The following TECPR2 variants were observed in gnomAD, a reference collection of about 807,000 sequenced individuals.
TECPR2 encodes tectonin beta-propeller repeat containing 2, also known as tectonin beta-propeller repeat-containing protein 2.
Under a neutral mutation model 138.1 loss-of-function variants are expected in TECPR2, and 65 were observed. That is an observed-to-expected ratio of 0.47 (90% CI 0.39 to 0.58). The LOEUF is 0.58. Ranked by LOEUF, TECPR2 falls within the 20% of genes least tolerant of loss-of-function variation. The probability of loss-of-function intolerance (pLI) is 0.00; values close to 1 mark genes in which losing one functional copy is unlikely to be tolerated. For missense variants in TECPR2, 1,553 were observed against 1,824.5 expected (o/e 0.85, Z 2.71); for synonymous variants, 746 against 749.8 (o/e 0.99, Z 0.08).
intron 13 of TECPR2, 79 bp from the exon 14 acceptor site, chr14:102,449,550 T>A: frequency 3.2e-6 from 5 of 1,585,230 alleles, no homozygotes; most frequent in Non-Finnish European, 4.3e-6. Context: ...GGACCTGAGC[T>A]AGAACCTTCC....
chr14:102,403,813 A>G (rs1295147892), intron 2 of TECPR2, among the ~76,000 whole-genome samples: 1 of 152,238 alleles, frequency 6.6e-6, no homozygotes, highest in African/African-American at 2.4e-5. Context: ...GACTCATACA[A>G]TGAAACATGA....
At chr14:102,464,349 T>C (rs547676237) in intron 16 of TECPR2, among the ~76,000 whole-genome samples, 2 of 152,330 alleles carry the variant, frequency 1.3e-5, no homozygotes, top group African/African-American at 4.8e-5. Flanking sequence ...TCAATAGCAG[T>C]AAGAAATAAA....
chr14:102,425,994 C>T (rs1319610353), intron 6 of TECPR2, among the ~76,000 whole-genome samples: 2 of 151,194 alleles, frequency 1.3e-5, no homozygotes, highest in African/African-American at 2.4e-5. Context: ...AAGCGATTCT[C>T]CTGCCTCAGC....
Position 102,438,272 on chromosome 14 carries a change from G to C in TECPR2, c.2578+67G>C, listed in dbSNP as rs541674551. The C allele has an allele frequency of 4.0e-5, 61 of 1,534,332 alleles. No individual in the cohort carries two copies. In the African/African-American group the frequency reaches 7.8e-4, roughly 20 times the overall value. ...CGCCGCTCCTGCTCCCCGCCCCCGG[G>C]GTGCAGACATCTTAGTACAGGGCTC... On this transcript the variant is annotated intron_variant, in intron 10 of 19. Coordinates refer to ENST00000359520, the MANE Select transcript of TECPR2 (RefSeq NM_014844.5).
At position 102,497,508 on chromosome 14, in the gene TECPR2, T is replaced by C. The variant is rs184222952; in HGVS notation, c.3932-62T>C. 2.1e-4 allele frequency: 294 copies of C among 1,421,848 alleles called. 5 individuals are homozygous for C. The Middle Eastern group carries it at 2.8e-3, about 14-fold the overall frequency. 88.1% of individuals were successfully genotyped at this position (1,421,848 alleles called of 1,614,324 possible). A position where few individuals can be genotyped will look rare whatever the true frequency, so the allele number is the denominator to read the frequency against. The stretch of plus-strand genomic sequence containing the variant: ...GTGTGCAGCGTCACAAGAGTCGGCT[T>C]GGGAAGCAGCGGCCCATCCCGTCCA... On this transcript the variant is annotated intron_variant, in intron 18 of 19. Coordinates refer to ENST00000359520, the MANE Select transcript of TECPR2 (RefSeq NM_014844.5).
intron 17 of TECPR2, among the ~76,000 whole-genome samples, chr14:102,474,555 C>T (rs1264050146): frequency 6.6e-6 from 1 of 152,048 alleles, no homozygotes; most frequent in Non-Finnish European, 1.5e-5. Context: ...ACCCGGGAGG[C>T]GGAGGTTGTG....
intron 17 of TECPR2, among the ~76,000 whole-genome samples, chr14:102,471,125 T>C (rs375660892): frequency 1.3e-5 from 2 of 152,212 alleles, no homozygotes; most frequent in East Asian, 3.9e-4. Context: ...CCTAATTTTA[T>C]ATTTTTAGTA....
Position 102,498,934 on chromosome 14 carries a change from C to A in TECPR2, c.*677C>A. 1 of 692,082 alleles carries A rather than the reference C, an allele frequency of 1.4e-6. No homozygotes were observed. The highest frequency in any genetic ancestry group is 2.6e-6 in the Non-Finnish European group (1 of 378,462). 42.9% of individuals were successfully genotyped at this position (692,082 alleles called of 1,614,324 possible). On this transcript the variant is annotated 3_prime_UTR_variant, in exon 20 of 20. Transcript: ENST00000359520. ...CCACACCGCACTGCACCATACCTCA[C>A]CACATCTCACCACACCACAGCACAC...
intron 17 of TECPR2, chr14:102,465,505 G>A (rs1890535069): frequency 7.8e-7 from 1 of 1,284,824 alleles, no homozygotes; most frequent in Non-Finnish European, 9.8e-7. Context: ...CAGATTATGA[G>A]TCAACACGTA....
At chr14:102,376,167 TA>T (rs1405459986) in intron 1 of TECPR2, among the ~76,000 whole-genome samples, 3 of 152,160 alleles carry the variant, frequency 2.0e-5, no homozygotes, top group African/African-American at 7.2e-5. Context: ...ACTATTCTCC[TA>T]ATAGAGTGTC....
chr14:102,459,990 A>G (rs1890366290), intron 16 of TECPR2, among the ~76,000 whole-genome samples: 1 of 152,112 alleles, frequency 6.6e-6, no homozygotes, highest in African/African-American at 2.4e-5. Flanking sequence ...TTAATTTCAG[A>G]CTGGGTGTGG....
At chr14:102,416,364 G>A (rs1407740432) in intron 5 of TECPR2, among the ~76,000 whole-genome samples, 2 of 152,090 alleles carry the variant, frequency 1.3e-5, no homozygotes, top group Admixed American at 6.5e-5. Context: ...CAGGTGATCC[G>A]CCTGCCTTGG....
chr14:102,368,151 G>A (rs1433485023), intron 1 of TECPR2, among the ~76,000 whole-genome samples: 3 of 151,892 alleles, frequency 2.0e-5, no homozygotes, highest in Non-Finnish European at 4.4e-5. Context: ...TGGGATTACA[G>A]ATGTGCGCCA....
chr14:102,435,126 G>A lies in TECPR2; in HGVS notation c.2309G>A (p.Ser770Asn). 1 of 1,613,638 alleles carries A rather than the reference G, an allele frequency of 6.2e-7. No individual in the cohort carries two copies. Among genetic ancestry groups the A allele is most frequent in the African/African-American group, 1.3e-5 (1 of 75,060 alleles). The change falls in exon 9 of 20, where the codon AGT (serine) becomes AAT (asparagine). Residue 770 changes from serine (S) to asparagine (N), a missense_variant. By Grantham distance (46) the Ser-to-Asn change is conservative (BLOSUM62 1). Transcript: ENST00000359520. ...CTTCCTTCTTCATCCTCAGAGACGAGTGTGACAGAGCTCGGACCTAGTTGC... is the reference window on the plus strand; with the variant it reads ...CTTCCTTCTTCATCCTCAGAGACGAATGTGACAGAGCTCGGACCTAGTTGC... ...HGLPSSSSETSVTELGPSCSQ... is the reference protein window; with the variant it reads ...HGLPSSSSETNVTELGPSCSQ...
At position 102,362,962 on chromosome 14, in the gene TECPR2, GCCC is replaced by G. The variant is rs1230605086; in HGVS notation, c.-224_-222del. The stretch of plus-strand genomic sequence containing the variant: ...TGCCACTTGTGGCTCTGCCGCTCTA[GCCC>G]CCGGCGGAGCCAGCTGCTGCTCTTC... On this transcript the variant is annotated 5_prime_UTR_variant, in exon 1 of 20. Coordinates refer to ENST00000359520, the MANE Select transcript of TECPR2 (RefSeq NM_014844.5). 86 of 1,422,400 alleles carry G rather than the reference GCCC, an allele frequency of 6.0e-5. No individual in the cohort carries two copies. The highest frequency in any genetic ancestry group is 4.0e-4 in the Middle Eastern group (2 of 4,966). The allele number at this position is 1,422,400 out of a possible 1,614,324, so 88.1% of individuals were successfully genotyped here.
chr14:102,383,941 A>T lies in TECPR2; in HGVS notation c.219+7001A>T, dbSNP rs1213268581. Among the ~76,000 whole-genome samples the T allele has an allele frequency of 3.5e-5, 5 of 141,166 alleles. No individual in the cohort carries two copies. In the Admixed American group the frequency reaches 3.6e-4, roughly 10 times the overall value. 92.6% of individuals were successfully genotyped at this position (141,166 alleles called of 152,430 possible). Reference sequence around the variant, plus strand: ...GTTGTTCTTTTTTTTTTTTTTTGAGATGGAGTTTCGCTCTTGTTGCCTAGC... The same window carrying T: ...GTTGTTCTTTTTTTTTTTTTTTGAGTTGGAGTTTCGCTCTTGTTGCCTAGC... On this transcript the variant is annotated intron_variant, in intron 2 of 19. Transcript: ENST00000359520.
At chr14:102,367,878 T>A (rs765140600) in intron 1 of TECPR2, among the ~76,000 whole-genome samples, 1 of 151,956 alleles carries the variant, frequency 6.6e-6, no homozygotes, top group South Asian at 2.1e-4. Flanking sequence ...TTTTTCCACA[T>A]CCTTGCTAAC....
intron 8 of TECPR2, among the ~76,000 whole-genome samples, chr14:102,433,788 C>T (rs1479896273): frequency 6.6e-6 from 1 of 152,098 alleles, no homozygotes; most frequent in African/African-American, 2.4e-5. Flanking sequence ...TCCCAAAGTG[C>T]TAGGATGGCT....
rs1891352974 is a variant in TECPR2, at chr14:102,498,437, C to T, written c.*180C>T. On this transcript the variant is annotated 3_prime_UTR_variant, in exon 20 of 20. Transcript: ENST00000359520. ...TGTCTCGTTCCAGAACCCACAGCCT[C>T]CACCCGTGGCTGGCGTGATTGCTGC... 1.2e-6 allele frequency: 1 copy of T among 817,338 alleles called. No homozygotes were observed. Among genetic ancestry groups the T allele is most frequent in the East Asian group, 2.7e-5 (1 of 37,016 alleles). 50.6% of individuals were successfully genotyped at this position (817,338 alleles called of 1,614,324 possible). A position where few individuals can be genotyped will look rare whatever the true frequency, so the allele number is the denominator to read the frequency against.
Sources: allele counts gnomAD v4.1 joint callset (sites outside exome capture counted in the v4.1 genomes callset), GRCh38; gene constraint gnomAD v4.1.1; transcripts MANE v1.5; gene names NCBI Gene and HGNC (gene_info 2026-07-23, HGNC 2026-07-21).